GALNTL6: variants seen among roughly 807,000 people sequenced by gnomAD.
GALNTL6 encodes polypeptide N-acetylgalactosaminyltransferase like 6.
A neutral mutation model predicts 73.7 loss-of-function variants in GALNTL6; 46 were observed. The observed-to-expected ratio is 0.62, with a 90% CI of 0.49 to 0.80. The LOEUF (loss-of-function observed/expected upper bound fraction) is 0.80. GALNTL6 is among the 30% of genes least tolerant of loss of function. GALNTL6 has a pLI of 0.00. For synonymous variants in GALNTL6, 259 were observed against 263.7 expected, an observed-to-expected ratio of 0.98 and a Z score of 0.17; for missense variants, 604 against 755.0, an observed-to-expected ratio of 0.80 and a Z score of 2.34.
intron 2 of GALNTL6, among the ~76,000 whole-genome samples, chr4:171,967,460 T>TGTTTTGTTTTG (rs1414283151): frequency 2.7e-5 from 4 of 150,260 alleles, no homozygotes; most frequent in Non-Finnish European, 5.9e-5. Context: ...TTTTTTTTTT[T>TGTTTTGTTTTG]TTTTTGTAGA....
chr4:172,797,111 G>T (rs186653102), intron 5 of GALNTL6, among the ~76,000 whole-genome samples: 1 of 152,130 alleles, frequency 6.6e-6, no homozygotes, highest in South Asian at 2.1e-4. Flanking sequence ...AAAATAATAC[G>T]GCCATTAGCA....
rs1413527266 is a variant in GALNTL6, at chr4:172,413,270, A to G, written c.553+64581A>G. Among the ~76,000 whole-genome samples the G allele has an allele frequency of 2.6e-5, 4 of 152,340 alleles. No homozygotes were observed. In the East Asian group the frequency reaches 5.8e-4, roughly 22 times the overall value. Reference sequence around the variant, plus strand: ...ACTGCATTGGCAACTAAGAACATCTACCACAAGTAGACACTCTATAACAGA... The same window carrying G: ...ACTGCATTGGCAACTAAGAACATCTGCCACAAGTAGACACTCTATAACAGA... On this transcript the variant is annotated intron_variant, in intron 5 of 12. Coordinates refer to ENST00000506823, the MANE Select transcript of GALNTL6 (RefSeq NM_001034845.3).
intron 5 of GALNTL6, among the ~76,000 whole-genome samples, chr4:172,585,920 TACAG>T (rs1737393442): frequency 6.6e-6 from 1 of 152,118 alleles, no homozygotes; most frequent in Admixed American, 6.5e-5. Context: ...AGCTCATCAT[TACAG>T]AGCATTAGAG....
At position 172,360,042 on chromosome 4, in the gene GALNTL6, C is replaced by T. The variant is rs75553911; in HGVS notation, c.553+11353C>T. Reference sequence around the variant, plus strand: ...TAAAATCCAGAAGAGGGCCTAATGGCATGACTGCCCTGCTGACTTACTTAA... The same window carrying T: ...TAAAATCCAGAAGAGGGCCTAATGGTATGACTGCCCTGCTGACTTACTTAA... On this transcript the variant is annotated intron_variant, in intron 5 of 12. Transcript: ENST00000506823. Among the ~76,000 whole-genome samples the T allele has an allele frequency of 2.2e-3, 329 of 152,336 alleles. 8 individuals carry two copies. In the East Asian group the frequency reaches 0.054, roughly 25 times the overall value.
At chr4:172,900,810 T>C (rs1282964049) in intron 8 of GALNTL6, among the ~76,000 whole-genome samples, 1 of 152,216 alleles carries the variant, frequency 6.6e-6, no homozygotes, top group Admixed American at 6.6e-5. Context: ...AAGAGATACC[T>C]GGCTTTGAAT....
At chr4:171,957,376 T>G (rs770223979) in intron 2 of GALNTL6, among the ~76,000 whole-genome samples, 3 of 152,208 alleles carry the variant, frequency 2.0e-5, no homozygotes, top group Non-Finnish European at 4.4e-5. Context: ...TAGTCCACAC[T>G]GGGAAGCTTT....
intron 5 of GALNTL6, among the ~76,000 whole-genome samples, chr4:172,353,277 G>A (rs886631932): frequency 6.6e-6 from 1 of 152,118 alleles, no homozygotes; most frequent in Non-Finnish European, 1.5e-5. Flanking sequence ...CTGCACTCTA[G>A]CCTGGGTGTC....
chr4:172,253,004 C>T (rs1737935407), intron 3 of GALNTL6, among the ~76,000 whole-genome samples: 1 of 151,940 alleles, frequency 6.6e-6, no homozygotes. Flanking sequence ...AATTTTTGAT[C>T]TACAAAAGCT....
intron 5 of GALNTL6, among the ~76,000 whole-genome samples, chr4:172,795,696 C>T (rs1052247089): frequency 1.3e-5 from 2 of 152,024 alleles, no homozygotes; most frequent in East Asian, 1.9e-4. Context: ...CATCCAATTA[C>T]ATTCTCTTAG....
chr4:171,822,371 G>A (rs1016097767), intron 2 of GALNTL6, among the ~76,000 whole-genome samples: 1 of 152,126 alleles, frequency 6.6e-6, no homozygotes, highest in Non-Finnish European at 1.5e-5. Flanking sequence ...TTGTAGGTGG[G>A]CCTCATCCCT....
chr4:172,789,130 C>T (rs1245314476), intron 5 of GALNTL6, among the ~76,000 whole-genome samples: 1 of 152,096 alleles, frequency 6.6e-6, no homozygotes, highest in East Asian at 1.9e-4. Context: ...TGTCAGATCC[C>T]AGAGGTAGAA....
chr4:171,818,872 A>G (rs1734603918), intron 2 of GALNTL6, among the ~76,000 whole-genome samples: 2 of 152,070 alleles, frequency 1.3e-5, no homozygotes, highest in South Asian at 4.1e-4. Context: ...AATCAGCCCT[A>G]CACTGCAGGG....
rs186544807 is a variant in GALNTL6 at position 171,975,580 on chromosome 4, C to T, written c.138+160862C>T. Among the ~76,000 whole-genome samples the T allele has an allele frequency of 4.3e-3, 631 of 147,904 alleles. 9 individuals carry two copies. The highest frequency in any genetic ancestry group is 6.4e-3 in the Non-Finnish European group (432 of 67,940). On this transcript the variant is annotated intron_variant, in intron 2 of 12. Coordinates refer to ENST00000506823, the MANE Select transcript of GALNTL6 (RefSeq NM_001034845.3). Reference sequence around the variant, plus strand: ...TTTCATTGAATTGGAACTTAAAAGACATACTAGAGAAAAGCAAAAGCAAAA... The same window carrying T: ...TTTCATTGAATTGGAACTTAAAAGATATACTAGAGAAAAGCAAAAGCAAAA...
chr4:172,394,686 C>A (rs1743789366), intron 5 of GALNTL6, among the ~76,000 whole-genome samples: 1 of 152,104 alleles, frequency 6.6e-6, no homozygotes, highest in African/African-American at 2.4e-5. Context: ...CCTGCCTTGA[C>A]CTCCCAAAGT....
chr4:172,230,063 G>T (rs1464463677), intron 3 of GALNTL6, among the ~76,000 whole-genome samples: 1 of 152,106 alleles, frequency 6.6e-6, no homozygotes, highest in Non-Finnish European at 1.5e-5. Flanking sequence ...TTATCAATGA[G>T]ACTTGACCTG....
At chr4:172,202,867 T>A (rs989733845) in intron 2 of GALNTL6, among the ~76,000 whole-genome samples, 4 of 152,178 alleles carry the variant, frequency 2.6e-5, no homozygotes, top group Non-Finnish European at 5.9e-5. Context: ...GTTATTTAAA[T>A]AAGGCTAATT....
chr4:171,956,079 T>G (rs1258406804), intron 2 of GALNTL6, among the ~76,000 whole-genome samples: 3 of 152,032 alleles, frequency 2.0e-5, no homozygotes, highest in Non-Finnish European at 4.4e-5. Flanking sequence ...TATGGCTCAC[T>G]GCAGCCTGAA....
chr4:172,954,249 C>T (rs1749605166), intron 10 of GALNTL6, among the ~76,000 whole-genome samples: 1 of 152,174 alleles, frequency 6.6e-6, no homozygotes, highest in Non-Finnish European at 1.5e-5. Flanking sequence ...TTATAAGCAC[C>T]TTTTCTAAAT....
chr4:172,219,481 C>T (rs937186543), intron 2 of GALNTL6, among the ~76,000 whole-genome samples: 1 of 151,574 alleles, frequency 6.6e-6, no homozygotes, highest in East Asian at 1.9e-4. Context: ...AATTTAAAAA[C>T]TTTTTGATGG....
Sources: gnomAD v4.1 joint callset for allele counts (sites outside exome capture counted in the v4.1 genomes callset) on GRCh38, gnomAD v4.1.1 for gene constraint, MANE v1.5 for transcripts, NCBI Gene and HGNC (gene_info 2026-07-23, HGNC 2026-07-21) for gene names.